Variants in ATP8A2 observed in about 807,000 individuals in gnomAD.
ATP8A2 encodes ATPase phospholipid transporting 8A2, also known as phospholipid-transporting ATPase IB.
In ATP8A2, 100 loss-of-function variants were observed where a neutral mutation model predicts 165.6. That is an observed-to-expected ratio of 0.60 (90% CI 0.51 to 0.71). The LOEUF (loss-of-function observed/expected upper bound fraction) is 0.71, where lower values mean the gene tolerates loss of function less well. Among genes scored for constraint, ATP8A2 ranks in the 30% least tolerant of loss-of-function variants. The pLI is 0.00. For missense variants in ATP8A2, 1,227 were observed against 1,479.5 expected (o/e 0.83, Z 2.80); for synonymous variants, 543 against 548.8 (o/e 0.99, Z 0.15).
intron 4 of ATP8A2, among the ~76,000 whole-genome samples, chr13:25,531,177 A>ATATATGT (rs1566228586): frequency 5.5e-5 from 5 of 91,640 alleles, no homozygotes; most frequent in South Asian, 2.8e-4. Context: ...GTTATATGAT[A>ATATATGT]TATATATGTT....
At chr13:25,462,328 C>T (rs1173598765) in intron 1 of ATP8A2, among the ~76,000 whole-genome samples, 1 of 152,216 alleles carries the variant, frequency 6.6e-6, no homozygotes, top group Non-Finnish European at 1.5e-5. Flanking sequence ...ACCACCTGCA[C>T]ATCTGACCAA....
chr13:25,552,190 T>A (rs1017233844), intron 11 of ATP8A2, among the ~76,000 whole-genome samples: 15 of 152,114 alleles, frequency 9.9e-5, no homozygotes, highest in African/African-American at 3.6e-4. Context: ...TTTCACCATG[T>A]TGGACAGGCT....
chr13:25,826,130 T>C (rs1951307496), intron 27 of ATP8A2, among the ~76,000 whole-genome samples: 1 of 152,204 alleles, frequency 6.6e-6, no homozygotes, highest in Admixed American at 6.5e-5. Context: ...TTTGAGGTGA[T>C]AGATATGTTA....
intron 16 of ATP8A2, among the ~76,000 whole-genome samples, chr13:25,570,516 C>T (rs1051675173): frequency 2.0e-5 from 3 of 152,156 alleles, no homozygotes; most frequent in African/African-American, 7.2e-5. Flanking sequence ...TTTTCTCTCC[C>T]CATCTCTTGA....
At chr13:25,438,855 G>T (rs978615979) in intron 1 of ATP8A2, among the ~76,000 whole-genome samples, 1 of 151,982 alleles carries the variant, frequency 6.6e-6, no homozygotes, top group Non-Finnish European at 1.5e-5. Context: ...TATGTGACAC[G>T]GTGTGTCATA....
chr13:25,775,155 G>A (rs1005516511), intron 27 of ATP8A2, among the ~76,000 whole-genome samples, 196 bp downstream of exon 27: 7 of 152,162 alleles, frequency 4.6e-5, no homozygotes, highest in African/African-American at 1.7e-4. Flanking sequence ...CATGCTGGAT[G>A]ACCAAAGCGG....
intron 2 of ATP8A2, among the ~76,000 whole-genome samples, chr13:25,488,450 A>G (rs537286761): frequency 6.6e-6 from 1 of 152,334 alleles, no homozygotes; most frequent in Non-Finnish European, 1.5e-5. Flanking sequence ...TACCATTACA[A>G]GGAGTCTTGC....
chr13:25,958,485 C>T lies in ATP8A2; in HGVS notation c.3184-3090C>T, dbSNP rs137999766. On this transcript the variant is annotated intron_variant, in intron 33 of 36. Transcript: ENST00000381655. ...TGACCCAGGGCAGTGCTGCACAGCT[C>T]ATTGGCTTTACAGTCAGACAAACCT... Among the ~76,000 whole-genome samples, 4 of 152,278 alleles carry T rather than the reference C, an allele frequency of 2.6e-5. No homozygotes were observed. The East Asian group carries it at 7.7e-4, about 29-fold the overall frequency.
At chr13:25,947,720 C>T (rs1311427095) in intron 33 of ATP8A2, among the ~76,000 whole-genome samples, 1 of 152,188 alleles carries the variant, frequency 6.6e-6, no homozygotes, top group Non-Finnish European at 1.5e-5. Flanking sequence ...GAATCACCCT[C>T]TTCTTCCTGG....
At chr13:25,981,996 T>C (rs916197274) in intron 35 of ATP8A2, among the ~76,000 whole-genome samples, 2 of 152,202 alleles carry the variant, frequency 1.3e-5, no homozygotes, top group African/African-American at 4.8e-5. Context: ...GAATCAAAAA[T>C]TTTTAGTTCT....
intron 1 of ATP8A2, among the ~76,000 whole-genome samples, chr13:25,459,974 G>C (rs965516712): frequency 1.3e-5 from 2 of 152,136 alleles, no homozygotes; most frequent in Admixed American, 1.3e-4. Flanking sequence ...GGCCGAGGTG[G>C]GCGGATCACC....
chr13:25,731,105 A>C (rs74876146), intron 25 of ATP8A2, among the ~76,000 whole-genome samples: 1 of 139,554 alleles, frequency 7.2e-6, no homozygotes, highest in Non-Finnish European at 1.5e-5. Context: ...AGAAAGAGAG[A>C]GAGAGGGAAA....
intron 1 of ATP8A2, among the ~76,000 whole-genome samples, chr13:25,406,663 G>A (rs1329019760): frequency 6.6e-6 from 1 of 152,212 alleles, no homozygotes; most frequent in Non-Finnish European, 1.5e-5. Context: ...CAGGTGGCTG[G>A]CATGGAGACC....
chr13:25,885,344 C>T (rs1188013647), intron 33 of ATP8A2, among the ~76,000 whole-genome samples: 7 of 152,020 alleles, frequency 4.6e-5, no homozygotes, highest in Non-Finnish European at 2.9e-5. Context: ...AACTCCTGAC[C>T]TCAGGTGATC....
intron 24 of ATP8A2, among the ~76,000 whole-genome samples, chr13:25,624,808 A>G (rs913649408): frequency 3.3e-5 from 5 of 152,150 alleles, no homozygotes; most frequent in African/African-American, 1.2e-4. Context: ...CCTATGACCA[A>G]TCCTCTTAAG....
At chr13:25,513,605 C>T (rs1308865885) in intron 2 of ATP8A2, among the ~76,000 whole-genome samples, 2 of 152,000 alleles carry the variant, frequency 1.3e-5, no homozygotes, top group African/African-American at 2.4e-5. Context: ...CCAAGGCAGG[C>T]GGCTGGGAGG....
intron 24 of ATP8A2, among the ~76,000 whole-genome samples, chr13:25,642,777 G>T (rs1020494937): frequency 6.6e-6 from 1 of 152,078 alleles, no homozygotes; most frequent in Non-Finnish European, 1.5e-5. Flanking sequence ...TGTTTATTGC[G>T]GCACTATTCA....
In ATP8A2 at chr13:25,563,970, C is replaced by T; in HGVS notation, c.1412C>T (p.Pro471Leu). 1.2e-6 allele frequency: 2 copies of T among 1,612,092 alleles called. No individual in the cohort carries two copies. The highest frequency in any genetic ancestry group is 4.5e-5 in the East Asian group (2 of 44,868). Residue 471 changes from proline (P) to leucine (L), a missense_variant, in exon 16 of 37, where the codon CCC becomes CTC. By Grantham distance (98) the Pro-to-Leu change is moderately conservative (BLOSUM62 -3). Transcript: ENST00000381655. ...SSDDFCRMPP[P>L]CSDSCDFDDP... Reference sequence around the variant, plus strand: ...CTCTCTTACAGTCGGATGCCTCCTCCCTGTAGTGATTCCTGTGACTTTGAT... The same window carrying T: ...CTCTCTTACAGTCGGATGCCTCCTCTCTGTAGTGATTCCTGTGACTTTGAT...
chr13:25,739,467 G>A (rs527419960), intron 25 of ATP8A2, among the ~76,000 whole-genome samples: 2 of 152,208 alleles, frequency 1.3e-5, no homozygotes, highest in East Asian at 1.9e-4. Flanking sequence ...TGAGAGAAGA[G>A]AGCAGTCTTA....
Sources: gnomAD v4.1 joint callset for allele counts (sites outside exome capture counted in the v4.1 genomes callset) on GRCh38, gnomAD v4.1.1 for gene constraint, MANE v1.5 for transcripts, NCBI Gene and HGNC (gene_info 2026-07-23, HGNC 2026-07-21) for gene names.